The following DST variants were observed in gnomAD, a reference collection of about 807,000 sequenced individuals.
The protein encoded by DST is bullous pemphigoid antigen.
In DST, 253 loss-of-function variants were observed where a neutral mutation model predicts 875.2. That is an observed-to-expected ratio of 0.29 (90% CI 0.26 to 0.32). The LOEUF is 0.32. Among genes scored for constraint, DST ranks in the 10% least tolerant of loss-of-function variants. The pLI is 1.00. For synonymous variants in DST, 3,124 were observed against 3,197.1 expected (o/e 0.98, Z 0.77); for missense variants, 8,287 against 9,111.6 (o/e 0.91, Z 3.68).
chr6:56,516,960 G>A lies in DST; in HGVS notation c.18357+238C>T, dbSNP rs1039894474. Among the ~76,000 whole-genome samples, 18 of 152,210 alleles carry A rather than the reference G, an allele frequency of 1.2e-4. 1 individual carries two copies. In the South Asian group the frequency reaches 3.1e-3, roughly 26 times the overall value. On this transcript the variant is annotated intron_variant, in intron 71 of 103. Coordinates refer to ENST00000680361, the MANE Select transcript of DST (RefSeq NM_001374736.1). ...GCTTAATGCGTGCCAGTTAACCAAG[G>A]TCTCAAACCTTAATAGCCTTTGTGC... is the stretch of plus-strand genomic sequence containing the variant.
chr6:56,520,902 G>A (rs1014286565), intron 69 of DST, among the ~76,000 whole-genome samples: 1 of 151,826 alleles, frequency 6.6e-6, no homozygotes, highest in Non-Finnish European at 1.5e-5. Flanking sequence ...CATAAACGTG[G>A]GGTATAATTT....
chr6:56,553,110 T>C lies in DST; in HGVS notation c.15682A>G (p.Thr5228Ala), dbSNP rs78180015. The change falls in exon 61 of 104, where the codon ACA (threonine) becomes GCA (alanine). Residue 5228 changes from threonine (T) to alanine (A), a missense_variant. Transcript: ENST00000680361. ...CAGACACTGAGCAAGCTATTGGCTG[T>C]GTTGTTCAGTAATTCTACCATACCA... ...HFGMVELLNN[T>A]ANSLLSVCEI... is the part of the protein sequence containing the mutation. 6.2e-7 allele frequency: 1 copy of C among 1,613,602 alleles called. No individual in the cohort carries two copies. The highest frequency in any genetic ancestry group is 8.5e-7 in the Non-Finnish European group (1 of 1,179,856).
rs2098489975 is a variant in DST, at chr6:56,605,791, A to G, written c.8837T>C (p.Ile2946Thr). The G allele has an allele frequency of 6.2e-7, 1 of 1,612,588 alleles. No individual in the cohort carries two copies. The highest frequency in any genetic ancestry group is 8.5e-7 in the Non-Finnish European group (1 of 1,179,246). Residue 2946 changes from isoleucine (I) to threonine (T), a missense_variant, in exon 40 of 104, where the codon ATC becomes ACC. Physicochemically the swap from Ile to Thr is moderately conservative, Grantham distance 89. Transcript: ENST00000680361. The stretch of plus-strand genomic sequence containing the variant: ...AGTACCTAATTCAGAAGTTGAACTG[A>G]TATTATTATTATCATGTGAAATACT... The part of the protein sequence containing the change: ...PASISHDNNN[I>T]SSTSELGTDL...
Position 56,509,711 on chromosome 6 carries a change from T to C in DST, c.18943A>G (p.Thr6315Ala). 6.2e-7 allele frequency: 1 copy of C among 1,613,730 alleles called. No individual in the cohort carries two copies. Among genetic ancestry groups the C allele is most frequent in the Non-Finnish European group, 8.5e-7 (1 of 1,179,754 alleles). The change falls in exon 74 of 104, where the codon ACT (threonine) becomes GCT (alanine). Residue 6315 changes from threonine to alanine, a missense_variant. By Grantham distance (58) the Thr-to-Ala change is moderately conservative. Around this residue, in one of 10 missense-constraint regions of DST, gnomAD observed 1,292 missense variants for 1,552.7 expected, o/e 0.83. Coordinates refer to ENST00000680361, the MANE Select transcript of DST (RefSeq NM_001374736.1). Reference protein sequence around the residue: ...DMEKLQPLYETLKQRGEEMIA... With the variant: ...DMEKLQPLYEALKQRGEEMIA... ...ATTTCCTCTCCCCTCTGTTTAAGAGTTTCATACAACGGCTGTAGCTTTTCC... is the reference window on the plus strand; with the variant it reads ...ATTTCCTCTCCCCTCTGTTTAAGAGCTTCATACAACGGCTGTAGCTTTTCC...
rs73746918 is a variant in DST at position 56,569,695 on chromosome 6, A to G, written c.13878+161T>C. On this transcript the variant is annotated intron_variant, in intron 54 of 103. Coordinates refer to ENST00000680361, the MANE Select transcript of DST (RefSeq NM_001374736.1). ...ATTTATGTCCTTTTCCAAAAGAATT[A>G]GTTAAGCCCCATGCCATGATTTCCA... Among the ~76,000 whole-genome samples, 465 of 152,358 alleles carry G rather than the reference A, an allele frequency of 3.1e-3. 1 individual carries two copies. The highest frequency in any genetic ancestry group is 8.9e-3 in the African/African-American group (369 of 41,584).
Position 56,459,397 on chromosome 6 carries a change from T to A in DST, c.23195-130A>T, listed in dbSNP as rs1581887612. On this transcript the variant is annotated intron_variant, in intron 103 of 103. Transcript: ENST00000680361. The stretch of plus-strand genomic sequence containing the variant: ...GTAGTAGGCACTCAGAAAACAGTTG[T>A]GGATTCACAGCCTTTCTCTATTACA... 4.4e-6 allele frequency: 4 copies of A among 900,620 alleles called. No individual in the cohort carries two copies. The East Asian group carries it at 1.1e-4, about 24-fold the overall frequency. 55.8% of individuals were successfully genotyped at this position (900,620 alleles called of 1,614,324 possible).
chr6:56,850,685 T>C (rs937704269), intron 4 of DST, among the ~76,000 whole-genome samples: 2 of 151,868 alleles, frequency 1.3e-5, no homozygotes, highest in African/African-American at 2.4e-5. Flanking sequence ...CACGCAGGGG[T>C]TGGAAGGTTG....
At chr6:56,692,361 T>C in intron 9 of DST, 2 of 1,189,060 alleles carry the variant, frequency 1.7e-6, no homozygotes, top group South Asian at 2.9e-5. Context: ...CTTATTTACT[T>C]GAACTCAGAC....
At position 56,553,518 on chromosome 6, in the gene DST, C is replaced by T. The variant is rs1179543289; in HGVS notation, c.15274G>A (p.Val5092Ile). 2 of 1,613,832 alleles carry T rather than the reference C, an allele frequency of 1.2e-6. No homozygotes were observed. The highest frequency in any genetic ancestry group is 2.2e-5 in the East Asian group (1 of 44,886). Reference protein sequence around the residue: ...KSHPISAKLDVLESLIKDHKD... With the variant: ...KSHPISAKLDILESLIKDHKD... Reference sequence around the variant, plus strand: ...TGATCTTTAATTAATGACTCCAAGACATCGAGTTTGGCAGATATTGGATGA... The same window carrying T: ...TGATCTTTAATTAATGACTCCAAGATATCGAGTTTGGCAGATATTGGATGA... Residue 5092 changes from valine to isoleucine, a missense_variant, in exon 61 of 104, where the codon GTC becomes ATC. Around this residue, in one of 10 missense-constraint regions of DST, gnomAD observed 1,513 missense variants for 1,677.8 expected, o/e 0.90. Coordinates refer to ENST00000680361, the MANE Select transcript of DST (RefSeq NM_001374736.1).
chr6:56,693,445 C>CA, intron 9 of DST: 10 of 1,034,114 alleles, frequency 9.7e-6, no homozygotes, highest in Non-Finnish European at 1.2e-5. Flanking sequence ...GATGAGCTCT[C>CA]AAGGCAAACC....
Position 56,555,685 on chromosome 6 carries a change from T to C in DST, c.14796A>G (p.Thr4932=). 6.2e-7 allele frequency: 1 copy of C among 1,613,350 alleles called. No homozygotes were observed. The highest frequency in any genetic ancestry group is 1.1e-5 in the South Asian group (1 of 91,060). The change falls in exon 60 of 104, where the codon ACA becomes ACG. Residue 4932 remains threonine, a synonymous_variant. Transcript: ENST00000680361. ...AGTCACATCTGTCACTCAATTGCCC[T>C]GTTAGGCTATCCCATTTTTGGGTCA... ...AAVTQKWDSL[T]GQLSDRCDWI...
Position 56,609,003 on chromosome 6 carries a change from T to C in DST, c.5625A>G (p.Ile1875Met), listed in dbSNP as rs1443974603. Residue 1875 changes from isoleucine (I) to methionine (M), a missense_variant, in exon 40 of 104, where the codon ATA becomes ATG. Physicochemically the swap from Ile to Met is conservative, Grantham distance 10 (BLOSUM62 1). This residue lies in a region of DST where 3,138 missense variants were observed against 3,116.6 expected (regional missense o/e 1.01). Transcript: ENST00000680361. ...TAACCAGAGAGCCTGTAGAAAGCAG[T>C]ATCTCAAGAACTTTGATGGCCATGG... ...TESMAIKVLE[I>M]LLSTGSLVIP... 9 of 1,613,740 alleles carry C rather than the reference T, an allele frequency of 5.6e-6. No individual in the cohort carries two copies. Among genetic ancestry groups the C allele is most frequent in the Admixed American group, 3.3e-5 (2 of 59,976 alleles).
intron 3 of DST, among the ~76,000 whole-genome samples, chr6:56,855,647 T>C (rs574069744): frequency 1.3e-5 from 2 of 152,230 alleles, no homozygotes; most frequent in Non-Finnish European, 2.9e-5. Flanking sequence ...AAATTTTTAT[T>C]TTATAATAAT....
intron 69 of DST, 120 bp from the exon 70 acceptor site, chr6:56,517,740 A>G: frequency 8.4e-7 from 1 of 1,187,814 alleles, no homozygotes; most frequent in Non-Finnish European, 1.1e-6. Context: ...TTGTCTCCTC[A>G]TGGCATCCTA....
In DST at chr6:56,598,469, T is replaced by C. The variant is rs2098413478; in HGVS notation, c.11928+7A>G. 2 of 1,532,806 alleles carry C rather than the reference T, an allele frequency of 1.3e-6. No homozygotes were observed. The highest frequency in any genetic ancestry group is 1.8e-6 in the Non-Finnish European group (2 of 1,135,518). 95.0% of individuals were successfully genotyped at this position (1,532,806 alleles called of 1,614,324 possible). On this transcript the variant is annotated splice_region_variant and intron_variant, in intron 46 of 103. Transcript: ENST00000680361. ...AGCAATAGTGCACCACATATTTGAA[T>C]AAGGACCTTTTCAGTTTCTTCCTTG... is the stretch of plus-strand genomic sequence containing the variant.
intron 2 of DST, among the ~76,000 whole-genome samples, chr6:56,934,212 G>T (rs1811671768): frequency 6.6e-6 from 1 of 151,608 alleles, no homozygotes; most frequent in Admixed American, 6.6e-5. Context: ...CTCAAACAGG[G>T]ACACTTTTTA....
chr6:56,853,141 C>A (rs796122382), intron 3 of DST, among the ~76,000 whole-genome samples: 1 of 152,022 alleles, frequency 6.6e-6, no homozygotes, highest in African/African-American at 2.4e-5. Flanking sequence ...CTATTCTTTC[C>A]CCCCAAAAAA....
chr6:56,816,349 A>C (rs1194028727), intron 4 of DST, among the ~76,000 whole-genome samples: 1 of 151,740 alleles, frequency 6.6e-6, no homozygotes, highest in African/African-American at 2.4e-5. Context: ...TAATGCAAAA[A>C]GTACTTCGAT....
Position 56,552,727 on chromosome 6 carries a change from T to C in DST, c.16065A>G (p.Gln5355=), listed in dbSNP as rs200707935. ...DSKGTSDVLL[Q]VETIAQEHST... ...TATGCTCTTGAGCTATGGTTTCCAC[T>C]TGTAATAAAACATCAGAGGTTCCCT... The change falls in exon 61 of 104, where the codon CAA becomes CAG. Residue 5355 remains glutamine, a synonymous_variant. Transcript: ENST00000680361. 6.3e-5 allele frequency: 101 copies of C among 1,612,230 alleles called. No individual in the cohort carries two copies. In the African/African-American group the frequency reaches 1.2e-3, roughly 19 times the overall value.
Sources: gnomAD v4.1 joint callset for allele counts (sites outside exome capture counted in the v4.1 genomes callset) on GRCh38, gnomAD v4.1.1 for gene constraint, gnomAD v4.1.1 regional missense constraint, MANE v1.5 for transcripts, NCBI Gene and HGNC (gene_info 2026-07-23, HGNC 2026-07-21) for gene names.